The following CD8B2 variants were observed in gnomAD, a reference collection of about 807,000 sequenced individuals.
CD8B2 encodes the protein CD8B family member 2, also known as T-cell surface glycoprotein CD8 beta-2 chain.
In CD8B2, 11 loss-of-function variants were observed where a neutral mutation model predicts 23.7. That is an observed-to-expected ratio of 0.46 (90% CI 0.29 to 0.77). CD8B2 has a LOEUF of 0.77. Ranked by LOEUF, CD8B2 falls within the 30% of genes least tolerant of loss-of-function variation. CD8B2 has a pLI of 0.09. For synonymous variants in CD8B2, 90 were observed against 109.3 expected (o/e 0.82, Z 1.10); for missense variants, 197 against 270.5 (o/e 0.73, Z 1.91).
intron 4 of CD8B2, among the ~76,000 whole-genome samples, chr2:106,503,988 A>G (rs1679459718): frequency 2.6e-5 from 4 of 152,162 alleles, no homozygotes. Context: ...TGATTAATTG[A>G]GTTTGAATTC....
intron 3 of CD8B2, among the ~76,000 whole-genome samples, chr2:106,500,559 A>ATT (rs758042484): frequency 0.03 from 4,528 of 151,264 alleles, 16 homozygotes; most frequent in Middle Eastern, 0.045. Flanking sequence ...TAAATAAATA[A>ATT]ATAATTAAAA....
chr2:106,525,156 C>A (rs1291345957), intron 5 of CD8B2, among the ~76,000 whole-genome samples: 1 of 152,082 alleles, frequency 6.6e-6, no homozygotes, highest in Non-Finnish European at 1.5e-5. Flanking sequence ...GTGGAGTCTC[C>A]CACAGTGGGA....
chr2:106,505,047 C>A (rs989256450), intron 5 of CD8B2, among the ~76,000 whole-genome samples: 2 of 152,154 alleles, frequency 1.3e-5, no homozygotes, highest in Admixed American at 6.5e-5. Flanking sequence ...TGGGCTGGGA[C>A]CTTTAGTGGT....
At chr2:106,515,210 A>G (rs540020050), downstream of CD8B2, among the ~76,000 whole-genome samples, 220 of 152,360 alleles carry the variant, frequency 1.4e-3, no homozygotes, top group African/African-American at 5.0e-3. Flanking sequence ...ACAGATGAGC[A>G]TTACTTTTCT....
intron 5 of CD8B2, among the ~76,000 whole-genome samples, chr2:106,506,274 C>T (rs1379797866): frequency 1.3e-5 from 2 of 152,026 alleles, no homozygotes; most frequent in East Asian, 3.9e-4. Flanking sequence ...TGATCTGATG[C>T]CAGTTTTGGG....
Position 106,524,787 on chromosome 2 carries a change from G to C in CD8B2, c.621-19205G>C, listed in dbSNP as rs183907243. On this transcript the variant is annotated intron_variant, in intron 5 of 5. Transcript: ENST00000416057. ...ATTTTTATTTTTGCCAGTGCAAACT[G>C]TACCTCTGGTGTGCAGTTCCCCACC... Among the ~76,000 whole-genome samples, 161 of 152,242 alleles carry C rather than the reference G, an allele frequency of 1.1e-3. 2 individuals are homozygous for C. The highest frequency in any genetic ancestry group is 3.8e-3 in the African/African-American group (157 of 41,524).
chr2:106,536,960 A>G (rs1374543760), intron 5 of CD8B2, among the ~76,000 whole-genome samples: 1 of 152,232 alleles, frequency 6.6e-6, no homozygotes, highest in Non-Finnish European at 1.5e-5. Context: ...ACCTGCAGCT[A>G]TAGCCAGTGC....
chr2:106,541,216 T>C (rs543603477), intron 5 of CD8B2, among the ~76,000 whole-genome samples: 1 of 152,222 alleles, frequency 6.6e-6, no homozygotes, highest in South Asian at 2.1e-4. Context: ...TCCCACTAAC[T>C]CTAGATCCCT....
intron 1 of CD8B2, among the ~76,000 whole-genome samples, chr2:106,489,028 A>C (rs147815164): frequency 0.26 from 37,944 of 147,508 alleles, 5,200 homozygotes; most frequent in African/African-American, 0.3. Flanking sequence ...TCCAAGACGG[A>C]GTCTTGCTCT....
intron 2 of CD8B2, among the ~76,000 whole-genome samples, chr2:106,493,546 A>G (rs1207072999): frequency 2.0e-4 from 1 of 4,910 alleles, no homozygotes; most frequent in African/African-American, 2.3e-4. Context: ...AGTCAAACAG[A>G]ACTACTCTAG....
rs186957598 is a variant in CD8B2, at chr2:106,502,425, C to T, written c.494-49C>T. On this transcript the variant is annotated intron_variant, in intron 3 of 5. Transcript: ENST00000643224. Reference sequence around the variant, plus strand: ...TCCTTGTATTTTTCTGCGTGTCTCACGCAGAAAAATGTTCTGTGTTGAACA... The same window carrying T: ...TCCTTGTATTTTTCTGCGTGTCTCATGCAGAAAAATGTTCTGTGTTGAACA... The T allele has an allele frequency of 1.8e-3, 2,064 of 1,149,954 alleles. 31 individuals carry two copies. The African/African-American group carries it at 0.028, about 15-fold the overall frequency. The allele number at this position is 1,149,954 out of a possible 1,614,324, so 71.2% of individuals were successfully genotyped here.
chr2:106,529,979 T>G (rs559713259), intron 5 of CD8B2, among the ~76,000 whole-genome samples: 47 of 152,228 alleles, frequency 3.1e-4, no homozygotes, highest in African/African-American at 1.1e-3. Flanking sequence ...ACTCATACCC[T>G]TGAGAATGAA....
intron 3 of CD8B2, among the ~76,000 whole-genome samples, chr2:106,499,379 A>G (rs1173108840): frequency 6.6e-6 from 1 of 152,010 alleles, no homozygotes; most frequent in Admixed American, 6.6e-5. Context: ...TAAAAATACA[A>G]AAATTAGCTG....
At chr2:106,543,727 A>T (rs12473520) in intron 5 of CD8B2, among the ~76,000 whole-genome samples, 57,157 of 152,044 alleles carry the variant, frequency 0.38, 11,017 homozygotes, top group African/African-American at 0.39. Flanking sequence ...TCAATCCATG[A>T]TGTAAATATC....
At chr2:106,502,053 T>C (rs1285505439) in intron 3 of CD8B2, among the ~76,000 whole-genome samples, 1 of 151,938 alleles carries the variant, frequency 6.6e-6, no homozygotes, top group Non-Finnish European at 1.5e-5. Flanking sequence ...CCCAGCACTT[T>C]GGGAGGCCAA....
At chr2:106,519,587 G>A (rs1028346745) in intron 5 of CD8B2, among the ~76,000 whole-genome samples, 7 of 152,096 alleles carry the variant, frequency 4.6e-5, no homozygotes, top group Non-Finnish European at 8.8e-5. Flanking sequence ...ACCCTGTGAC[G>A]AAGACCATGC....
intron 5 of CD8B2, among the ~76,000 whole-genome samples, chr2:106,534,841 CAG>C (rs761115279): frequency 7.0e-4 from 90 of 129,374 alleles, no homozygotes; most frequent in Non-Finnish European, 1.3e-3. Flanking sequence ...TTGTTTGAAA[CAG>C]AGTCTTGCTT....
At chr2:106,499,489 G>A (rs573035720) in intron 3 of CD8B2, among the ~76,000 whole-genome samples, 9 of 143,422 alleles carry the variant, frequency 6.3e-5, no homozygotes, top group Non-Finnish European at 1.0e-4. Flanking sequence ...CCGAGATCAC[G>A]CCATTGCACT....
At chr2:106,532,749 C>T (rs999928173) in intron 5 of CD8B2, among the ~76,000 whole-genome samples, 1 of 152,164 alleles carries the variant, frequency 6.6e-6, no homozygotes, top group Admixed American at 6.5e-5. Flanking sequence ...GCAGTGAGGT[C>T]GACCAGAGGT....
Sources: gnomAD v4.1 joint callset for allele counts (sites outside exome capture counted in the v4.1 genomes callset) on GRCh38, gnomAD v4.1.1 for gene constraint, MANE v1.5 for transcripts, NCBI Gene and HGNC (gene_info 2026-07-23, HGNC 2026-07-21) for gene names.